The following MARK3 variants were observed in gnomAD, a reference collection of about 807,000 sequenced individuals.
MARK3 encodes the protein MAP/microtubule affinity-regulating kinase 3.
In MARK3, 46 loss-of-function variants were observed where a neutral mutation model predicts 90.1. The observed-to-expected ratio is 0.51, with a 90% CI of 0.40 to 0.65. MARK3 has a LOEUF of 0.65. Ranked by LOEUF, MARK3 falls within the 30% of genes least tolerant of loss-of-function variation. The pLI is 0.00. For synonymous variants in MARK3, 321 were observed against 332.6 expected (o/e 0.97, Z 0.38); for missense variants, 818 against 947.2 (o/e 0.86, Z 1.79).
intron 2 of MARK3, among the ~76,000 whole-genome samples, chr14:103,424,395 C>T (rs1338460208): frequency 6.6e-6 from 1 of 151,634 alleles, no homozygotes; most frequent in Non-Finnish European, 1.5e-5. Context: ...CATGGTGGCA[C>T]GTGCCTATAG....
At chr14:103,458,641 C>T (rs2093332065) in intron 6 of MARK3, 1 of 567,862 alleles carries the variant, frequency 1.8e-6, no homozygotes, top group Non-Finnish European at 3.1e-6. Context: ...TAAATTAATT[C>T]TGTATTCTCA....
At chr14:103,476,886 T>G (rs1198547448) in intron 13 of MARK3, among the ~76,000 whole-genome samples, 1 of 152,178 alleles carries the variant, frequency 6.6e-6, no homozygotes, top group Non-Finnish European at 1.5e-5. Context: ...ACAGTAGGAT[T>G]ATTGTTTCCA....
chr14:103,421,165 G>T (rs1289452781), intron 2 of MARK3, among the ~76,000 whole-genome samples: 1 of 152,182 alleles, frequency 6.6e-6, no homozygotes, highest in Non-Finnish European at 1.5e-5. Context: ...GCGTTACAGT[G>T]CTGTGGCTGT....
At chr14:103,476,688 T>C (rs2093720521) in intron 13 of MARK3, among the ~76,000 whole-genome samples, 1 of 150,870 alleles carries the variant, frequency 6.6e-6, no homozygotes, top group Non-Finnish European at 1.5e-5. Context: ...TGCCTCCAAC[T>C]CCAGAAAAAC....
chr14:103,432,268 C>T (rs1291380766), intron 3 of MARK3, among the ~76,000 whole-genome samples: 1 of 151,884 alleles, frequency 6.6e-6, no homozygotes, highest in Non-Finnish European at 1.5e-5. Context: ...AAGGGAAATC[C>T]CTGTGTTTTT....
At chr14:103,427,452 A>G in intron 2 of MARK3, among the ~76,000 whole-genome samples, 1 of 138,670 alleles carries the variant, frequency 7.2e-6, no homozygotes. Flanking sequence ...ATGAGCCGAG[A>G]TCATGTCACT....
At position 103,458,475 on chromosome 14, in the gene MARK3, AG is replaced by A. The variant is rs869233796; in HGVS notation, c.483+1264del. Among the ~76,000 whole-genome samples the A allele has an allele frequency of 3.4e-3, 495 of 146,414 alleles. 11 individuals carry two copies. The highest frequency in any genetic ancestry group is 0.012 in the African/African-American group (467 of 40,008). ...ATCTCAAAAAAAAAAAAAAAAAAAAAGAAGCAGCAGCTGTAGACAATACCAA... is the reference window on the plus strand; with the variant it reads ...ATCTCAAAAAAAAAAAAAAAAAAAAAAAGCAGCAGCTGTAGACAATACCAA... On this transcript the variant is annotated intron_variant, in intron 6 of 17. Coordinates refer to ENST00000429436, the MANE Select transcript of MARK3 (RefSeq NM_001128918.3).
chr14:103,468,436 T>G (rs573797396), intron 12 of MARK3, among the ~76,000 whole-genome samples: 29 of 147,540 alleles, frequency 2.0e-4, no homozygotes, highest in Non-Finnish European at 3.7e-4. Context: ...GCGATTCTCC[T>G]GCCTCAGCCT....
chr14:103,483,651 TACTTTGGCACAAAC>T (rs2093868107), intron 14 of MARK3, among the ~76,000 whole-genome samples: 1 of 152,262 alleles, frequency 6.6e-6, no homozygotes, highest in Non-Finnish European at 1.5e-5. Flanking sequence ...GGCCAGTTGT[TACTTTGGCACAAAC>T]ACCTGTGATT....
chr14:103,402,677 G>A (rs1473167891), intron 1 of MARK3, among the ~76,000 whole-genome samples: 2 of 152,112 alleles, frequency 1.3e-5, no homozygotes, highest in Admixed American at 6.6e-5. Flanking sequence ...CAAATAAAAC[G>A]TAGAGATGAA....
chr14:103,392,448 A>G (rs1281915278), intron 1 of MARK3, among the ~76,000 whole-genome samples: 3 of 152,204 alleles, frequency 2.0e-5, no homozygotes, highest in African/African-American at 7.2e-5. Flanking sequence ...TGGAATTTCT[A>G]ACAAGTTGCC....
chr14:103,462,610 A>G (rs1459527939), intron 7 of MARK3, 149 bp downstream of exon 7: 2 of 497,744 alleles, frequency 4.0e-6, no homozygotes, highest in African/African-American at 1.9e-5. Context: ...GTTATGGGAA[A>G]GAGCATTAAA....
intron 7 of MARK3, 21 bp from the exon 8 acceptor site, chr14:103,465,536 G>A: frequency 6.5e-7 from 1 of 1,538,316 alleles, no homozygotes; most frequent in Non-Finnish European, 9.0e-7. Context: ...TTTCATTTTT[G>A]TCTTGATGTT....
Position 103,494,660 on chromosome 14 carries a change from A to C in MARK3, c.1844+2626A>C, listed in dbSNP as rs140648302. Reference sequence around the variant, plus strand: ...CAGCTACCTCTTTTTTTTTCCCCACAGAGTCTCACTTTATCGCCCAGGCTG... The same window carrying C: ...CAGCTACCTCTTTTTTTTTCCCCACCGAGTCTCACTTTATCGCCCAGGCTG... On this transcript the variant is annotated intron_variant, in intron 15 of 17. Transcript: ENST00000429436. 3.3e-4 allele frequency among the ~76,000 whole-genome samples: 50 copies of C among 151,562 alleles called. No homozygotes were observed. The East Asian group carries it at 9.7e-3, about 29-fold the overall frequency.
intron 14 of MARK3, chr14:103,490,853 G>A (rs1566935940): frequency 1.6e-6 from 1 of 641,930 alleles, no homozygotes; most frequent in Non-Finnish European, 2.0e-6. Flanking sequence ...AAATGAGATG[G>A]CTTGGGAGGA....
chr14:103,390,911 G>T (rs1276481401), intron 1 of MARK3, among the ~76,000 whole-genome samples: 4 of 152,038 alleles, frequency 2.6e-5, no homozygotes, highest in Non-Finnish European at 1.5e-5. Flanking sequence ...AGATCTCCCT[G>T]TATTGCCCAA....
intron 13 of MARK3, among the ~76,000 whole-genome samples, chr14:103,476,772 G>A (rs1052981605): frequency 1.3e-5 from 2 of 152,132 alleles, no homozygotes; most frequent in Non-Finnish European, 2.9e-5. Context: ...TGGGGACTGG[G>A]TGCATGAAGG....
chr14:103,390,478 C>G (rs1352202166), intron 1 of MARK3, among the ~76,000 whole-genome samples: 1 of 151,532 alleles, frequency 6.6e-6, no homozygotes, highest in Non-Finnish European at 1.5e-5. Context: ...TTTTTTTAAG[C>G]TTGTAGATCA....
chr14:103,390,121 G>T (rs1315726660), intron 1 of MARK3, among the ~76,000 whole-genome samples: 1 of 151,190 alleles, frequency 6.6e-6, no homozygotes, highest in African/African-American at 2.4e-5. Context: ...GGTGGCAGGT[G>T]CCTGTAGTCC....
Sources: gnomAD v4.1 joint callset for allele counts (sites outside exome capture counted in the v4.1 genomes callset) on GRCh38, gnomAD v4.1.1 for gene constraint, MANE v1.5 for transcripts, NCBI Gene and HGNC (gene_info 2026-07-23, HGNC 2026-07-21) for gene names.